The following SEPTIN14 variants were observed in gnomAD, a reference collection of about 807,000 sequenced individuals.
SEPTIN14 encodes septin 14.
SEPTIN14 carries 40 observed loss-of-function variants against 53.6 expected under a neutral mutation model. The observed-to-expected ratio is 0.75, with a 90% CI of 0.58 to 0.97. The LOEUF (loss-of-function observed/expected upper bound fraction) is 0.97, where lower values mean the gene tolerates loss of function less well. Among genes scored for constraint, SEPTIN14 ranks in the 50% least tolerant of loss-of-function variants. The pLI is 0.00. For missense variants in SEPTIN14, 471 were observed against 508.2 expected (o/e 0.93, Z 0.70); for synonymous variants, 138 against 166.8 (o/e 0.83, Z 1.33).
In SEPTIN14 at chr7:55,816,352, G is replaced by T. The variant is rs183759406; in HGVS notation, c.817+2775C>A. Among the ~76,000 whole-genome samples the T allele has an allele frequency of 2.8e-3, 424 of 152,250 alleles. 5 individuals carry two copies. The highest frequency in any genetic ancestry group is 0.01 in the Middle Eastern group (3 of 294). ...ATTTTAGAATAACTAAAAGAGTATA[G>T]TTGGATTGTTTGTGACACAAAGAAA... On this transcript the variant is annotated intron_variant, in intron 7 of 9. Coordinates refer to ENST00000388975, the MANE Select transcript of SEPTIN14 (RefSeq NM_207366.3).
At chr7:55,857,397 A>G (rs1023167842) in intron 2 of SEPTIN14, among the ~76,000 whole-genome samples, 3 of 145,406 alleles carry the variant, frequency 2.1e-5, no homozygotes, top group Non-Finnish European at 4.5e-5. Context: ...AGGAAAAAAG[A>G]GAAGAGAAGA....
In SEPTIN14 at chr7:55,793,892, A is replaced by C. The variant is rs1373492934; in HGVS notation, c.*2021T>G. ...AAAGAAGTAAATAATTGAGAAAATG[A>C]CTGGCAAAAATCAGTAACTGACGTA... On this transcript the variant is annotated 3_prime_UTR_variant, in exon 10 of 10. Coordinates refer to ENST00000388975, the MANE Select transcript of SEPTIN14 (RefSeq NM_207366.3). 6.6e-6 allele frequency: 1 copy of C among 152,150 alleles called. No individual in the cohort carries two copies. Among genetic ancestry groups the C allele is most frequent in the East Asian group, 1.9e-4 (1 of 5,196 alleles). 9.4% of individuals were successfully genotyped at this position (152,150 alleles called of 1,614,324 possible).
intron 6 of SEPTIN14, among the ~76,000 whole-genome samples, chr7:55,827,808 T>G (rs1789017309): frequency 1.3e-5 from 2 of 152,208 alleles, no homozygotes; most frequent in African/African-American, 4.8e-5. Flanking sequence ...AAGTGCCACT[T>G]ACTGGCATGG....
chr7:55,806,706 G>A (rs550833996), intron 8 of SEPTIN14, among the ~76,000 whole-genome samples: 12 of 150,752 alleles, frequency 8.0e-5, no homozygotes, highest in African/African-American at 2.2e-4. Context: ...TAGATGATCC[G>A]CCCGCCTCAG....
At chr7:55,801,993 G>C (rs535129137) in intron 9 of SEPTIN14, among the ~76,000 whole-genome samples, 3 of 150,438 alleles carry the variant, frequency 2.0e-5, no homozygotes, top group African/African-American at 7.4e-5. Flanking sequence ...AGGAGAGTAT[G>C]GTTTCTTTTT....
rs769073126 is a variant in SEPTIN14 at position 55,801,998 on chromosome 7, CT to C, written c.1119+3259del. On this transcript the variant is annotated intron_variant, in intron 9 of 9. Coordinates refer to ENST00000388975, the MANE Select transcript of SEPTIN14 (RefSeq NM_207366.3). ...AGAATGGAAGAGGAGAGTATGGTTT[CT>C]TTTTTTTTTTTTTTCTATGAGACGG... Among the ~76,000 whole-genome samples, 932 of 139,454 alleles carry C rather than the reference CT, an allele frequency of 6.7e-3. 8 individuals carry two copies. The highest frequency in any genetic ancestry group is 0.015 in the Middle Eastern group (4 of 270). 91.5% of individuals were successfully genotyped at this position (139,454 alleles called of 152,430 possible). A position where few individuals can be genotyped will look rare whatever the true frequency, so the allele number is the denominator to read the frequency against.
Position 55,831,351 on chromosome 7 carries a change from G to A in SEPTIN14, c.720+3074C>T, listed in dbSNP as rs73354539. Among the ~76,000 whole-genome samples the A allele has an allele frequency of 5.6e-3, 855 of 152,234 alleles. 7 individuals are homozygous for A. Among genetic ancestry groups the A allele is most frequent in the African/African-American group, 0.019 (793 of 41,550 alleles). Reference sequence around the variant, plus strand: ...CTACAACCAAGTGATGTTTGACAAAGTTGGCAAAAATAAACAGTGGGGAAA... The same window carrying A: ...CTACAACCAAGTGATGTTTGACAAAATTGGCAAAAATAAACAGTGGGGAAA... On this transcript the variant is annotated intron_variant, in intron 6 of 9. Transcript: ENST00000388975.
chr7:55,860,404 C>T (rs1329553873), intron 2 of SEPTIN14, among the ~76,000 whole-genome samples: 1 of 151,956 alleles, frequency 6.6e-6, no homozygotes, highest in Non-Finnish European at 1.5e-5. Context: ...GGGGGATGAA[C>T]AGAGGTTGGC....
At chr7:55,833,021 T>TA (rs768106014) in intron 6 of SEPTIN14, among the ~76,000 whole-genome samples, 4 of 152,024 alleles carry the variant, frequency 2.6e-5, no homozygotes, top group South Asian at 4.1e-4. Context: ...CATCTTTTTT[T>TA]AAAAAAAGAT....
chr7:55,846,655 T>A lies in SEPTIN14; in HGVS notation c.55-18A>T, dbSNP rs1046631553. ...TCTTTTTGCTTAAATAAAACAAAAATTTAGAGTTTTGTGTTAGAATAAAAA... is the reference window on the plus strand; with the variant it reads ...TCTTTTTGCTTAAATAAAACAAAAAATTAGAGTTTTGTGTTAGAATAAAAA... On this transcript the variant is annotated intron_variant, in intron 2 of 9. Coordinates refer to ENST00000388975, the MANE Select transcript of SEPTIN14 (RefSeq NM_207366.3). 2 of 1,307,514 alleles carry A rather than the reference T, an allele frequency of 1.5e-6. No individual in the cohort carries two copies. Among genetic ancestry groups the A allele is most frequent in the Non-Finnish European group, 2.2e-6 (2 of 922,572 alleles). The allele number at this position is 1,307,514 out of a possible 1,614,324, so 81.0% of individuals were successfully genotyped here. A position where few individuals can be genotyped will look rare whatever the true frequency, so the allele number is the denominator to read the frequency against.
chr7:55,798,243 T>C, intron 9 of SEPTIN14: 1 of 423,446 alleles, frequency 2.4e-6, no homozygotes, highest in Non-Finnish European at 3.7e-6. Flanking sequence ...ACCTGCTGAG[T>C]TGGCAGCTGT....
Position 55,819,514 on chromosome 7 carries a change from G to A in SEPTIN14, c.721-291C>T, listed in dbSNP as rs138074720. On this transcript the variant is annotated intron_variant, in intron 6 of 9. Coordinates refer to ENST00000388975, the MANE Select transcript of SEPTIN14 (RefSeq NM_207366.3). Reference sequence around the variant, plus strand: ...TGAGGCAGGAGAATGGCGTGAACCCGGAAGGTGGAGCTTGCAGTGAGCCGA... The same window carrying A: ...TGAGGCAGGAGAATGGCGTGAACCCAGAAGGTGGAGCTTGCAGTGAGCCGA... Among the ~76,000 whole-genome samples, 1,320 of 152,104 alleles carry A rather than the reference G, an allele frequency of 8.7e-3. 48 individuals carry two copies. The East Asian group carries it at 0.14, about 16-fold the overall frequency.
intron 7 of SEPTIN14, among the ~76,000 whole-genome samples, chr7:55,813,026 T>A (rs992295184): frequency 6.6e-6 from 1 of 151,970 alleles, no homozygotes; most frequent in Non-Finnish European, 1.5e-5. Context: ...CTCGGCTTAC[T>A]GCAACCTCCA....
intron 6 of SEPTIN14, among the ~76,000 whole-genome samples, chr7:55,829,159 G>C (rs947015619): frequency 6.6e-6 from 1 of 151,702 alleles, no homozygotes; most frequent in African/African-American, 2.4e-5. Flanking sequence ...CAGGTGGATT[G>C]CCTGAGCTCA....
intron 2 of SEPTIN14, chr7:55,850,908 T>C (rs994913730): frequency 1.3e-5 from 2 of 150,536 alleles, no homozygotes; most frequent in Non-Finnish European, 3.0e-5. Flanking sequence ...CGGTCTCTAC[T>C]AAAAATACAA....
chr7:55,827,332 G>A lies in SEPTIN14; in HGVS notation c.720+7093C>T, dbSNP rs1441545634. Among the ~76,000 whole-genome samples the A allele has an allele frequency of 2.0e-5, 3 of 152,210 alleles. No homozygotes were observed. The South Asian group carries it at 6.2e-4, about 31-fold the overall frequency. ...CAGGGCTGTCTGTATTGGCCTGAGG[G>A]AAGAGGTCCTACCCTGAGGTTGCTC... On this transcript the variant is annotated intron_variant, in intron 6 of 9. Transcript: ENST00000388975.
chr7:55,862,030 A>C lies in SEPTIN14; in HGVS notation c.-15-19T>G. 6.9e-7 allele frequency: 1 copy of C among 1,457,270 alleles called. No individual in the cohort carries two copies. The highest frequency in any genetic ancestry group is 9.3e-7 in the Non-Finnish European group (1 of 1,078,774). The allele number at this position is 1,457,270 out of a possible 1,614,324, so 90.3% of individuals were successfully genotyped here. On this transcript the variant is annotated intron_variant, in intron 1 of 9. Coordinates refer to ENST00000388975, the MANE Select transcript of SEPTIN14 (RefSeq NM_207366.3). ...AAAAGAGCTGGAAATTTAAAAAAAT[A>C]AACATTTTTAAAAATTTCTTACAAA... is the stretch of plus-strand genomic sequence containing the variant.
rs550677165 is a variant in SEPTIN14 at position 55,812,320 on chromosome 7, T to C, written c.818-5062A>G. Among the ~76,000 whole-genome samples the C allele has an allele frequency of 4.6e-5, 7 of 152,138 alleles. No individual in the cohort carries two copies. The South Asian group carries it at 1.5e-3, about 32-fold the overall frequency. On this transcript the variant is annotated intron_variant, in intron 7 of 9. Coordinates refer to ENST00000388975, the MANE Select transcript of SEPTIN14 (RefSeq NM_207366.3). ...CTGTAGGACATTATGCTAAGAGAAA[T>C]AAACCAGGCACAGAAGGACAAATAC...
chr7:55,800,248 A>G (rs1788503256), intron 9 of SEPTIN14, among the ~76,000 whole-genome samples: 1 of 152,216 alleles, frequency 6.6e-6, no homozygotes, highest in Non-Finnish European at 1.5e-5. Flanking sequence ...GAACTGGAGG[A>G]CCTCACGTTA....
Sources: gnomAD v4.1 joint callset for allele counts (sites outside exome capture counted in the v4.1 genomes callset) on GRCh38, gnomAD v4.1.1 for gene constraint, MANE v1.5 for transcripts, NCBI Gene and HGNC (gene_info 2026-07-23, HGNC 2026-07-21) for gene names.